The following IAH1 variants were observed in gnomAD, a reference collection of about 807,000 sequenced individuals.
IAH1 encodes the protein isoamyl acetate hydrolyzing esterase 1 (putative).
IAH1 carries 24 observed loss-of-function variants against 26.7 expected under a neutral mutation model. The observed-to-expected ratio is 0.90, with a 90% CI of 0.65 to 1.26. IAH1 has a LOEUF of 1.26. Among genes scored for constraint, IAH1 ranks in the 50% most tolerant of loss-of-function variants. The pLI is 0.00. For synonymous variants in IAH1, 140 were observed against 118.5 expected, an observed-to-expected ratio of 1.18 and a Z score of -1.18; for missense variants, 300 against 299.9, an observed-to-expected ratio of 1.00 and a Z score of 0.00.
chr2:9,496,128 CTTA>C (rs1372771853), intron 6 of IAH1, among the ~76,000 whole-genome samples: 1 of 151,526 alleles, frequency 6.6e-6, no homozygotes, highest in Non-Finnish European at 1.5e-5. Flanking sequence ...TTATTTTTTA[CTTA>C]TTTATTTATT....
the IAH1 span, among the ~76,000 whole-genome samples, chr2:9,506,219 G>A: frequency 6.6e-6 from 1 of 152,070 alleles, no homozygotes; most frequent in Admixed American, 6.5e-5. Flanking sequence ...TGAAGCCCCT[G>A]AGAGCCAAGT....
the IAH1 span, among the ~76,000 whole-genome samples, chr2:9,511,590 C>T: frequency 6.6e-6 from 1 of 152,220 alleles, no homozygotes; most frequent in Admixed American, 6.5e-5. Flanking sequence ...TGTACTTAAT[C>T]TATCAGATTA....
At chr2:9,494,712 G>A (rs777714532), downstream of IAH1, 35 of 1,613,890 alleles carry the variant, frequency 2.2e-5, 1 homozygote, top group Admixed American at 6.7e-5. Context: ...CATCGACATA[G>A]GGCACACAGC....
chr2:9,481,150 TTC>T (rs1661144057), intron 3 of IAH1, 134 bp from the exon 4 acceptor site: 4 of 925,636 alleles, frequency 4.3e-6, no homozygotes, highest in Admixed American at 2.4e-5. Flanking sequence ...GGAGAAAACC[TTC>T]TCTTTGTGTC....
intron 1 of IAH1, chr2:9,475,119 C>G (rs1682406966): frequency 2.4e-6 from 3 of 1,274,182 alleles, no homozygotes; most frequent in South Asian, 2.5e-5. Context: ...AGGGGTTGAC[C>G]TTGGAAGTAA....
rs1046996161 is a variant in IAH1 at position 9,489,648 on chromosome 2, T to C, written c.*1319T>C. The C allele has an allele frequency of 4.7e-5, 7 of 148,000 alleles. No homozygotes were observed. Among genetic ancestry groups the C allele is most frequent in the African/African-American group, 1.5e-4 (6 of 39,602 alleles). The allele number at this position is 148,000 out of a possible 1,614,324, so 9.2% of individuals were successfully genotyped here. ...TATTTTCCCTGCTACATAAAAACTC[T>C]GGGTAATAACTAGAAATAGACCCAC... On this transcript the variant is annotated 3_prime_UTR_variant, in exon 6 of 6. Transcript: ENST00000497473.
the IAH1 span, among the ~76,000 whole-genome samples, chr2:9,509,661 A>C: frequency 6.6e-6 from 1 of 152,228 alleles, no homozygotes; most frequent in African/African-American, 2.4e-5. Flanking sequence ...TGAAATGACA[A>C]ATTTTTAACA....
chr2:9,490,540 T>A (rs764908502), downstream of IAH1: 20 of 1,596,558 alleles, frequency 1.3e-5, no homozygotes, highest in Non-Finnish European at 1.0e-5. Context: ...TGGGTTCAAT[T>A]GATTGATAGG....
chr2:9,491,206 T>TA, downstream of IAH1: 2 of 1,517,750 alleles, frequency 1.3e-6, no homozygotes, highest in Non-Finnish European at 1.8e-6. Flanking sequence ...AGTTAGTGAG[T>TA]ACTATTTCAT....
downstream of IAH1, chr2:9,493,058 TATTACC>T: frequency 7.8e-7 from 1 of 1,281,502 alleles, no homozygotes; most frequent in Non-Finnish European, 1.1e-6. Flanking sequence ...GCTCTTAGGA[TATTACC>T]ATTGTGTCAA....
downstream of IAH1, chr2:9,494,583 A>G (rs1255187811): frequency 7.5e-6 from 12 of 1,599,922 alleles, no homozygotes; most frequent in Middle Eastern, 1.7e-4. Context: ...AGTACTTACA[A>G]AATAAAAACT....
downstream of IAH1, among the ~76,000 whole-genome samples, chr2:9,500,488 C>T (rs934112132): frequency 1.3e-5 from 2 of 152,116 alleles, no homozygotes; most frequent in African/African-American, 4.8e-5. Context: ...ATTGTGATGA[C>T]TGCATAAATC....
At chr2:9,490,841 T>TTAAC (rs1192049427), downstream of IAH1, among the ~76,000 whole-genome samples, 3 of 152,182 alleles carry the variant, frequency 2.0e-5, no homozygotes, top group African/African-American at 7.2e-5. Flanking sequence ...ACTCAAAATA[T>TTAAC]TAACTAAGTG....
the IAH1 span, chr2:9,505,662 T>G: frequency 5.4e-6 from 2 of 370,616 alleles, no homozygotes; most frequent in South Asian, 5.0e-5. Context: ...AAAGCCCACT[T>G]AAGGACAAGC....
intron 3 of IAH1, 40 bp from the exon 4 acceptor site, chr2:9,481,242 TAATA>T: frequency 6.2e-7 from 1 of 1,600,644 alleles, no homozygotes; most frequent in Non-Finnish European, 8.5e-7. Context: ...TTGTCACTTA[TAATA>T]AATATGCATC....
chr2:9,487,839 C>CGT (rs1431890482), intron 5 of IAH1, among the ~76,000 whole-genome samples: 2 of 94,212 alleles, frequency 2.1e-5, no homozygotes, highest in South Asian at 3.1e-4. Flanking sequence ...TGTGTGCGCG[C>CGT]GCGCGCGCGC....
intron 1 of IAH1, chr2:9,475,173 A>AT (rs1346579106): frequency 7.8e-7 from 1 of 1,288,776 alleles, no homozygotes; most frequent in Admixed American, 2.3e-5. Context: ...CCGTTCATCC[A>AT]AGATCATCTC....
At chr2:9,485,026 C>G (rs1661394680) in intron 5 of IAH1, 1 of 155,520 alleles carries the variant, frequency 6.4e-6, no homozygotes, top group Non-Finnish European at 1.4e-5. Flanking sequence ...CAGGAGACAG[C>G]TGGTTTCTGA....
intron 3 of IAH1, among the ~76,000 whole-genome samples, chr2:9,478,667 A>C (rs571946072): frequency 2.0e-5 from 3 of 152,300 alleles, no homozygotes; most frequent in Non-Finnish European, 4.4e-5. Flanking sequence ...TGCATTTGGC[A>C]GCAGAAAGCT....
Sources: gnomAD v4.1 joint callset for allele counts (sites outside exome capture counted in the v4.1 genomes callset) on GRCh38, gnomAD v4.1.1 for gene constraint, MANE v1.5 for transcripts, NCBI Gene and HGNC (gene_info 2026-07-23, HGNC 2026-07-21) for gene names.